Variants in CCSER1 observed in about 807,000 individuals in gnomAD.
CCSER1 encodes serine-rich coiled-coil domain-containing protein 1.
Under a neutral mutation model 82.0 loss-of-function variants are expected in CCSER1, and 41 were observed. The ratio of observed to expected loss-of-function variants is 0.50; its 90% CI spans 0.39 to 0.65. The LOEUF (loss-of-function observed/expected upper bound fraction) is 0.65, where lower values mean the gene tolerates loss of function less well. Among genes scored for constraint, CCSER1 ranks in the 30% least tolerant of loss-of-function variants. The pLI is 0.00. For missense variants in CCSER1, 1,119 were observed against 1,064.2 expected (o/e 1.05, Z -0.72); for synonymous variants, 414 against 383.9 (o/e 1.08, Z -0.92).
At chr4:90,786,962 A>G (rs1754599033) in intron 7 of CCSER1, among the ~76,000 whole-genome samples, 2 of 152,370 alleles carry the variant, frequency 1.3e-5, no homozygotes, top group Admixed American at 1.3e-4. Flanking sequence ...GGAGTGGCTC[A>G]CAGAACTCAG....
intron 10 of CCSER1, among the ~76,000 whole-genome samples, chr4:91,552,685 C>T (rs1189358066): frequency 6.6e-6 from 1 of 151,320 alleles, no homozygotes; most frequent in Non-Finnish European, 1.5e-5. Flanking sequence ...GCTTGTCATG[C>T]TAAAACAGAA....
chr4:91,597,223 G>A (rs143269571), intron 10 of CCSER1, among the ~76,000 whole-genome samples: 77 of 152,028 alleles, frequency 5.1e-4, no homozygotes, highest in Middle Eastern at 6.8e-3. Context: ...TCTGTATAAC[G>A]GGAATAAAAG....
intron 9 of CCSER1, among the ~76,000 whole-genome samples, chr4:90,999,806 T>C (rs1030024147): frequency 6.6e-6 from 1 of 150,720 alleles, no homozygotes; most frequent in Non-Finnish European, 1.5e-5. Context: ...TTTTGTTTTG[T>C]TTTGTTTTGT....
intron 9 of CCSER1, among the ~76,000 whole-genome samples, chr4:91,078,326 A>C (rs1455973897): frequency 6.6e-6 from 1 of 152,170 alleles, no homozygotes; most frequent in Non-Finnish European, 1.5e-5. Flanking sequence ...TCTGGAGTGG[A>C]CTTCCAGCAA....
chr4:91,084,727 C>G (rs1723182194), intron 9 of CCSER1, among the ~76,000 whole-genome samples: 1 of 151,938 alleles, frequency 6.6e-6, no homozygotes, highest in Non-Finnish European at 1.5e-5. Flanking sequence ...AGGCTACCAC[C>G]TATATACAAA....
At chr4:90,431,906 C>G (rs951234083) in intron 4 of CCSER1, among the ~76,000 whole-genome samples, 4 of 151,994 alleles carry the variant, frequency 2.6e-5, no homozygotes, top group Non-Finnish European at 5.9e-5. Context: ...AGTTGTTCTC[C>G]CATTTGGTCC....
At chr4:91,312,064 A>G (rs1745520047) in intron 10 of CCSER1, among the ~76,000 whole-genome samples, 1 of 151,860 alleles carries the variant, frequency 6.6e-6, no homozygotes, top group South Asian at 2.1e-4. Flanking sequence ...GAAAACTTCC[A>G]AGATGGAAGG....
chr4:91,027,661 C>T (rs1251192878), intron 9 of CCSER1, among the ~76,000 whole-genome samples: 4 of 152,024 alleles, frequency 2.6e-5, no homozygotes, highest in Non-Finnish European at 5.9e-5. Flanking sequence ...AACTCTCCTT[C>T]CCACTCCAAA....
chr4:90,794,726 G>A (rs989952205), intron 7 of CCSER1, among the ~76,000 whole-genome samples: 9 of 152,078 alleles, frequency 5.9e-5, no homozygotes, highest in African/African-American at 1.9e-4. Context: ...TAGATTAATA[G>A]GAATAGCATT....
chr4:90,982,304 G>A (rs1183494891), intron 9 of CCSER1, among the ~76,000 whole-genome samples: 2 of 151,548 alleles, frequency 1.3e-5, no homozygotes, highest in African/African-American at 4.8e-5. Context: ...ATTTCATCAC[G>A]GAGGCTCCAC....
intron 9 of CCSER1, among the ~76,000 whole-genome samples, chr4:91,079,585 G>A (rs887438692): frequency 6.6e-6 from 1 of 152,178 alleles, no homozygotes; most frequent in Non-Finnish European, 1.5e-5. Context: ...AATCTTAAAT[G>A]TAAATGGGCT....
chr4:90,129,665 ATTAG>A (rs1722478827), intron 1 of CCSER1, among the ~76,000 whole-genome samples: 1 of 152,234 alleles, frequency 6.6e-6, no homozygotes, highest in Admixed American at 6.5e-5. Context: ...ATTTAAATTA[ATTAG>A]TTATTTTGAT....
intron 10 of CCSER1, among the ~76,000 whole-genome samples, chr4:91,501,260 C>T (rs1195471369): frequency 6.6e-6 from 1 of 151,594 alleles, no homozygotes; most frequent in Non-Finnish European, 1.5e-5. Context: ...GATCCCATTC[C>T]TTTTTGTTGT....
At chr4:90,831,189 G>A (rs1761069492) in intron 8 of CCSER1, among the ~76,000 whole-genome samples, 1 of 152,098 alleles carries the variant, frequency 6.6e-6, no homozygotes, top group Non-Finnish European at 1.5e-5. Context: ...TGTGTGATAT[G>A]CGAAGAGATG....
chr4:90,574,326 TGGCGCAATCTCGGCTCACTGC>T (rs1431063844), intron 5 of CCSER1, among the ~76,000 whole-genome samples: 1 of 139,516 alleles, frequency 7.2e-6, no homozygotes, highest in Non-Finnish European at 1.5e-5. Flanking sequence ...CGGACTGCAG[TGGCGCAATCTCGGCTCACTGC>T]AAGCTCCGCT....
intron 10 of CCSER1, among the ~76,000 whole-genome samples, chr4:91,361,935 A>C (rs1280669718): frequency 2.0e-5 from 3 of 151,654 alleles, no homozygotes; most frequent in African/African-American, 7.3e-5. Context: ...TAAAATGGGG[A>C]GGGTATTTGG....
At chr4:91,214,564 T>G (rs1737094054) in intron 10 of CCSER1, among the ~76,000 whole-genome samples, 1 of 152,186 alleles carries the variant, frequency 6.6e-6, no homozygotes, top group Non-Finnish European at 1.5e-5. Context: ...TTCACTAGAC[T>G]AGAAACTACT....
At chr4:90,908,160 C>G (rs1199719534) in intron 8 of CCSER1, among the ~76,000 whole-genome samples, 1 of 152,112 alleles carries the variant, frequency 6.6e-6, no homozygotes, top group African/African-American at 2.4e-5. Context: ...AAATAATTGT[C>G]AGTCAAAATG....
intron 10 of CCSER1, among the ~76,000 whole-genome samples, chr4:91,354,413 C>T (rs1748684228): frequency 6.6e-6 from 1 of 152,156 alleles, no homozygotes; most frequent in East Asian, 1.9e-4. Context: ...TTAGCATAAG[C>T]TCTGTGTCCA....
Sources: gnomAD v4.1 joint callset for allele counts (sites outside exome capture counted in the v4.1 genomes callset) on GRCh38, gnomAD v4.1.1 for gene constraint, MANE v1.5 for transcripts, NCBI Gene and HGNC (gene_info 2026-07-23, HGNC 2026-07-21) for gene names.